The following LRRC53 variants were observed in gnomAD, a reference collection of about 807,000 sequenced individuals.
LRRC53 encodes the protein leucine-rich repeat-containing protein 53.
LRRC53 carries 25 observed loss-of-function variants against 13.6 expected under a neutral mutation model. The observed-to-expected ratio is 1.83, with a 90% CI of 1.34 to 2.56. The LOEUF is 2.56. LRRC53 is among the 30% of genes most tolerant of loss of function. The probability of loss-of-function intolerance (pLI) is 0.00; values close to 1 mark genes in which losing one functional copy is unlikely to be tolerated. For missense variants in LRRC53, 527 were observed against 275.8 expected (o/e 1.91, Z -6.45); for synonymous variants, 204 against 109.8 (o/e 1.86, Z -5.37).
chr1:74,493,763 G>A (rs1216322012), intron 1 of LRRC53, among the ~76,000 whole-genome samples: 1 of 152,290 alleles, frequency 6.6e-6, no homozygotes, highest in Admixed American at 6.5e-5. Context: ...TCTTCTCACA[G>A]ACAAAGGCTA....
At chr1:74,536,376 C>A in the LRRC53 span, among the ~76,000 whole-genome samples, 1 of 152,042 alleles carries the variant, frequency 6.6e-6, no homozygotes, top group African/African-American at 2.4e-5. Flanking sequence ...GTGAACTGGT[C>A]TAATTGGCAG....
At position 74,475,618 on chromosome 1, in the gene LRRC53, A is replaced by T. The variant is rs1348693368; in HGVS notation, c.1097T>A (p.Val366Asp). The change falls in exon 4 of 5, where the codon GTC (valine) becomes GAC (aspartate). Residue 366 changes from valine to aspartate, a missense_variant. Val to Asp is a radical substitution (Grantham distance 152, BLOSUM62 -3). Transcript: ENST00000294635. ...CHLTQENEIKVMSTVGSRKEM... is the reference protein window; with the variant it reads ...CHLTQENEIKDMSTVGSRKEM... ...TTTTCTGGACCCCACAGTGGACATG[A>T]CCTTTATCTCGTTTTCCTGAGTTAA... The T allele has an allele frequency of 2.8e-6, 2 of 717,082 alleles. No individual in the cohort carries two copies. The highest frequency in any genetic ancestry group is 1.7e-5 in the African/African-American group (1 of 57,194). The allele number at this position is 717,082 out of a possible 1,614,324, so 44.4% of individuals were successfully genotyped here.
chr1:74,505,328 C>G (rs193134913), intron 1 of LRRC53, among the ~76,000 whole-genome samples: 22 of 152,336 alleles, frequency 1.4e-4, no homozygotes, highest in Non-Finnish European at 2.8e-4. Flanking sequence ...CTCCCTGACT[C>G]CAGCTCTGGC....
intron 1 of LRRC53, among the ~76,000 whole-genome samples, chr1:74,507,633 C>A (rs1051532963): frequency 6.6e-6 from 1 of 152,164 alleles, no homozygotes; most frequent in African/African-American, 2.4e-5. Flanking sequence ...TAATGTACTT[C>A]TTGTTCTCCT....
At chr1:74,480,125 G>T (rs1668406927) in intron 3 of LRRC53, 28 bp downstream of exon 3, 1 of 696,230 alleles carries the variant, frequency 1.4e-6, no homozygotes, top group Non-Finnish European at 2.7e-6. Context: ...GAAGAGAAAA[G>T]AGGAGGGCAC....
chr1:74,488,174 T>C (rs1267566205), intron 1 of LRRC53, among the ~76,000 whole-genome samples: 1 of 152,184 alleles, frequency 6.6e-6, no homozygotes, highest in Non-Finnish European at 1.5e-5. Flanking sequence ...TGGTATAGCC[T>C]GACAAGCTGG....
the LRRC53 span, among the ~76,000 whole-genome samples, chr1:74,517,733 C>T: frequency 1.3e-5 from 2 of 152,138 alleles, no homozygotes; most frequent in Non-Finnish European, 2.9e-5. Context: ...GGATTTGAAA[C>T]TAAGACATCT....
At chr1:74,502,810 CCACAGCTGCTGCCTCGTT>C (rs1249978549) in intron 1 of LRRC53, among the ~76,000 whole-genome samples, 24 of 152,330 alleles carry the variant, frequency 1.6e-4, no homozygotes, top group Middle Eastern at 3.4e-3. Context: ...GAACACAACT[CCACAGCTGCTGCCTCGTT>C]CACAGGCGTG....
At chr1:74,508,068 G>T (rs1450393661) in intron 1 of LRRC53, among the ~76,000 whole-genome samples, 3 of 152,210 alleles carry the variant, frequency 2.0e-5, no homozygotes, top group Non-Finnish European at 4.4e-5. Flanking sequence ...CACGACTCTA[G>T]TGTATTCTAA....
intron 3 of LRRC53, among the ~76,000 whole-genome samples, chr1:74,478,434 G>C (rs1231433172): frequency 1.3e-5 from 2 of 152,048 alleles, no homozygotes; most frequent in Non-Finnish European, 2.9e-5. Flanking sequence ...TGTTAATGTA[G>C]CTAAATATAT....
Position 74,480,300 on chromosome 1 carries a change from C to A in LRRC53, c.757G>T (p.Ala253Ser), listed in dbSNP as rs925683918. Reference protein sequence around the residue: ...AKDLNCQPSTAAVAAAQSVLR... With the variant: ...AKDLNCQPSTSAVAAAQSVLR... ...ACACTCTGTGCAGCTGCCACAGCTG[C>A]GGTAGATGGCTGGCAATTTAGGTCC... Residue 253 changes from alanine to serine, a missense_variant, in exon 3 of 5, where the codon GCA (alanine) becomes TCA (serine). Coordinates refer to ENST00000294635, the MANE Select transcript of LRRC53 (RefSeq NM_001382280.1). The A allele has an allele frequency of 2.8e-6, 2 of 717,548 alleles. No individual in the cohort carries two copies. Among genetic ancestry groups the A allele is most frequent in the Non-Finnish European group, 5.2e-6 (2 of 385,138 alleles). 44.4% of individuals were successfully genotyped at this position (717,548 alleles called of 1,614,324 possible).
chr1:74,471,475 TTTTG>T lies in LRRC53; in HGVS notation c.2143_2146del (p.Gln715ThrfsTer2), dbSNP rs1667929967. 1 of 400,558 alleles carries T rather than the reference TTTTG, an allele frequency of 2.5e-6. No individual in the cohort carries two copies. The highest frequency in any genetic ancestry group is 4.4e-5 in the Admixed American group (1 of 22,708). 24.8% of individuals were successfully genotyped at this position (400,558 alleles called of 1,614,324 possible). ...AAAAGGATGTAAATTTAATTTTAAG[TTTTG>T]TCCTTTAATTTTCCCTTTGAGGTCA... On this transcript the variant is annotated frameshift_variant, in exon 5 of 5. Coordinates refer to ENST00000294635, the MANE Select transcript of LRRC53 (RefSeq NM_001382280.1). LOFTEE classifies it low-confidence loss of function (END_TRUNC).
intron 3 of LRRC53, among the ~76,000 whole-genome samples, chr1:74,477,880 G>T (rs1668285283): frequency 6.6e-6 from 1 of 152,194 alleles, no homozygotes; most frequent in Admixed American, 6.5e-5. Flanking sequence ...AAGAGAAAAA[G>T]GGAAAATTAA....
At chr1:74,515,085 A>G (rs2100393560), upstream of LRRC53, among the ~76,000 whole-genome samples, 1 of 152,224 alleles carries the variant, frequency 6.6e-6, no homozygotes, top group South Asian at 2.1e-4. Flanking sequence ...TTTCCTCAGA[A>G]TATTCCTTCA....
chr1:74,529,834 T>C, the LRRC53 span, among the ~76,000 whole-genome samples: 1 of 152,210 alleles, frequency 6.6e-6, no homozygotes, highest in East Asian at 1.9e-4. Context: ...CACATGCCCC[T>C]GCTTTGCTCT....
rs1209001657 is a variant in LRRC53, at chr1:74,480,387, G to T, written c.670C>A (p.Pro224Thr). ...NQWSCTCDLHPLARFLRNYIK... is the reference protein window; with the variant it reads ...NQWSCTCDLHTLARFLRNYIK... Reference sequence around the variant, plus strand: ...TAGTTTCTTAAAAACCGAGCAAGGGGATGGAGATCACAAGTGCAGCTCCAC... The same window carrying T: ...TAGTTTCTTAAAAACCGAGCAAGGGTATGGAGATCACAAGTGCAGCTCCAC... The change falls in exon 3 of 5, where the codon CCC (proline) becomes ACC (threonine). Residue 224 changes from proline to threonine, a missense_variant. Physicochemically the swap from Pro to Thr is conservative, Grantham distance 38. Transcript: ENST00000294635. The T allele has an allele frequency of 4.2e-6, 3 of 717,472 alleles. No individual in the cohort carries two copies. In the South Asian group the frequency reaches 4.4e-5, roughly 11 times the overall value. The allele number at this position is 717,472 out of a possible 1,614,324, so 44.4% of individuals were successfully genotyped here. A position where few individuals can be genotyped will look rare whatever the true frequency, so the allele number is the denominator to read the frequency against.
chr1:74,494,042 T>G (rs1055048964), intron 1 of LRRC53, among the ~76,000 whole-genome samples: 2 of 152,170 alleles, frequency 1.3e-5, no homozygotes, highest in African/African-American at 4.8e-5. Context: ...AGGCAGTCAC[T>G]GTGAGCTTCA....
chr1:74,472,514 A>G (rs1407501928), intron 4 of LRRC53, among the ~76,000 whole-genome samples: 2 of 152,190 alleles, frequency 1.3e-5, no homozygotes, highest in Non-Finnish European at 2.9e-5. Flanking sequence ...TATGAATAGT[A>G]TGTAAATCCT....
the LRRC53 span, among the ~76,000 whole-genome samples, chr1:74,526,196 A>T: frequency 6.6e-6 from 1 of 152,202 alleles, no homozygotes; most frequent in Admixed American, 6.5e-5. Context: ...AGAACAAAGG[A>T]ACATGGAATT....
Sources: gnomAD v4.1 joint callset for allele counts (sites outside exome capture counted in the v4.1 genomes callset) on GRCh38, gnomAD v4.1.1 for gene constraint, MANE v1.5 for transcripts, NCBI Gene and HGNC (gene_info 2026-07-23, HGNC 2026-07-21) for gene names.